Variants in MEGF11 observed in about 807,000 individuals in gnomAD.
MEGF11 encodes multiple EGF like domains 11.
MEGF11 carries 126 observed loss-of-function variants against 146.6 expected under a neutral mutation model. That is an observed-to-expected ratio of 0.86 (90% CI 0.74 to 1.00). The LOEUF (loss-of-function observed/expected upper bound fraction) is 1.00, where lower values mean the gene tolerates loss of function less well. Among genes scored for constraint, MEGF11 ranks in the 50% least tolerant of loss-of-function variants. MEGF11 has a pLI of 0.00. For synonymous variants in MEGF11, 532 were observed against 583.4 expected (o/e 0.91, Z 1.27); for missense variants, 1,509 against 1,521.2 (o/e 0.99, Z 0.13).
Position 66,123,653 on chromosome 15 carries a change from C to A in MEGF11, c.200+246G>T, listed in dbSNP as rs994218895. 2.0e-5 allele frequency among the ~76,000 whole-genome samples: 3 copies of A among 152,098 alleles called. No individual in the cohort carries two copies. The East Asian group carries it at 5.8e-4, about 29-fold the overall frequency. ...TGAGGAAGTTGGGGTAGTTATCCAC[C>A]ACCTCCCCATCTCCCCATCCCTGGT... On this transcript the variant is annotated intron_variant, in intron 3 of 25. Coordinates refer to ENST00000395614, the MANE Select transcript of MEGF11 (RefSeq NM_001385028.1).
chr15:65,917,853 G>A, intron 16 of MEGF11, 113 bp downstream of exon 16: 2 of 1,265,018 alleles, frequency 1.6e-6, no homozygotes, highest in Non-Finnish European at 2.2e-6. Context: ...ACATGCAGAA[G>A]GAGATTTCAT....
At chr15:66,219,214 C>G (rs1240987431) in intron 1 of MEGF11, among the ~76,000 whole-genome samples, 5 of 152,050 alleles carry the variant, frequency 3.3e-5, no homozygotes, top group Admixed American at 3.3e-4. Flanking sequence ...ATCAATAAAT[C>G]AGAGCTCATG....
chr15:66,114,415 G>A (rs530281223), intron 4 of MEGF11, among the ~76,000 whole-genome samples: 46 of 152,202 alleles, frequency 3.0e-4, no homozygotes, highest in Non-Finnish European at 6.0e-4. Context: ...ACTGTTTCAA[G>A]CCACTGGGAT....
At chr15:65,900,319 A>G (rs2078464019) in intron 24 of MEGF11, among the ~76,000 whole-genome samples, 2 of 152,210 alleles carry the variant, frequency 1.3e-5, no homozygotes, top group Non-Finnish European at 1.5e-5. Flanking sequence ...TGAAAATGGT[A>G]AAAAGTGAAA....
chr15:66,145,661 A>T (rs1009476403), intron 1 of MEGF11, among the ~76,000 whole-genome samples: 7 of 152,144 alleles, frequency 4.6e-5, no homozygotes, highest in East Asian at 1.9e-4. Context: ...AATAACGGAG[A>T]TGGGGATGAG....
intron 1 of MEGF11, among the ~76,000 whole-genome samples, chr15:66,239,266 T>G (rs2092159262): frequency 1.3e-5 from 2 of 152,224 alleles, no homozygotes; most frequent in South Asian, 4.1e-4. Flanking sequence ...TTCCCTGAAC[T>G]GAGTTAGGAA....
At position 65,930,834 on chromosome 15, in the gene MEGF11, G is replaced by T. The variant is rs1244462451; in HGVS notation, c.1397C>A (p.Thr466Asn). The part of the protein sequence containing the change: ...GTCSPVDGSC[T>N]CKEGWQGLDC... ...AGAGGGCACATTACCTTCCTTGCAGGTACAGGAGCCATCTACTGGGGAGCA... is the reference window on the plus strand; with the variant it reads ...AGAGGGCACATTACCTTCCTTGCAGTTACAGGAGCCATCTACTGGGGAGCA... The change falls in exon 11 of 26, where the codon ACC becomes AAC. Residue 466 changes from threonine (T) to asparagine (N), a missense_variant. By Grantham distance (65) the Thr-to-Asn change is moderately conservative (BLOSUM62 0). Coordinates refer to ENST00000395614, the MANE Select transcript of MEGF11 (RefSeq NM_001385028.1). The T allele has an allele frequency of 1.2e-6, 2 of 1,609,914 alleles. No homozygotes were observed. Among genetic ancestry groups the T allele is most frequent in the Non-Finnish European group, 1.7e-6 (2 of 1,177,850 alleles).
At chr15:65,970,529 G>A (rs1353302902) in intron 8 of MEGF11, 24 bp downstream of exon 8, 3 of 1,607,454 alleles carry the variant, frequency 1.9e-6, no homozygotes, top group African/African-American at 1.3e-5. Context: ...GGACAGCAAA[G>A]ATAACAGTTA....
At chr15:66,143,601 T>C (rs12594528) in intron 1 of MEGF11, among the ~76,000 whole-genome samples, 56,791 of 152,084 alleles carry the variant, frequency 0.37, 11,393 homozygotes, top group East Asian at 0.79. Flanking sequence ...AGGCAACTAA[T>C]GACAGAGGCA....
chr15:66,022,688 G>A (rs183535512), intron 5 of MEGF11, among the ~76,000 whole-genome samples: 78 of 152,142 alleles, frequency 5.1e-4, no homozygotes, highest in African/African-American at 1.8e-3. Flanking sequence ...AATTAGCTGA[G>A]GCGTGGTGGC....
intron 7 of MEGF11, among the ~76,000 whole-genome samples, chr15:65,979,773 C>T (rs1269051166): frequency 2.0e-5 from 3 of 152,212 alleles, no homozygotes; most frequent in Non-Finnish European, 4.4e-5. Context: ...CACAGCCTCA[C>T]ATGAGCCAGC....
chr15:66,139,542 C>T (rs1231162861), intron 1 of MEGF11, among the ~76,000 whole-genome samples: 1 of 151,586 alleles, frequency 6.6e-6, no homozygotes, highest in Non-Finnish European at 1.5e-5. Context: ...AAAAGAAATG[C>T]CCTGGCATTT....
intron 1 of MEGF11, among the ~76,000 whole-genome samples, chr15:66,224,640 T>TTATATATTA (rs72390505): frequency 7.4e-6 from 1 of 134,324 alleles, no homozygotes; most frequent in Non-Finnish European, 1.7e-5. Flanking sequence ...TTATTACTTA[T>TTATATATTA]TATATTATAT....
chr15:65,960,614 G>A (rs1353886956), intron 9 of MEGF11, among the ~76,000 whole-genome samples: 1 of 152,260 alleles, frequency 6.6e-6, no homozygotes, highest in Non-Finnish European at 1.5e-5. Flanking sequence ...TGACCTGGCA[G>A]GTCTTGGCTG....
chr15:66,208,150 C>T (rs1003285221), intron 1 of MEGF11, among the ~76,000 whole-genome samples: 1 of 150,896 alleles, frequency 6.6e-6, no homozygotes, highest in East Asian at 1.9e-4. Context: ...TTTTTGTATA[C>T]TATTGAAGTT....
At chr15:66,088,810 A>T (rs1459623601) in intron 5 of MEGF11, among the ~76,000 whole-genome samples, 1 of 152,202 alleles carries the variant, frequency 6.6e-6, no homozygotes, top group Non-Finnish European at 1.5e-5. Flanking sequence ...GACAGAAAGC[A>T]GATTGTTGGT....
At chr15:66,020,231 C>T (rs1040502215) in intron 5 of MEGF11, among the ~76,000 whole-genome samples, 1 of 152,228 alleles carries the variant, frequency 6.6e-6, no homozygotes, top group Non-Finnish European at 1.5e-5. Flanking sequence ...AATCCTGGGA[C>T]TCCAACAGGA....
chr15:66,199,343 C>T (rs113668699), intron 1 of MEGF11, among the ~76,000 whole-genome samples: 1,893 of 152,268 alleles, frequency 0.012, 33 homozygotes, highest in African/African-American at 0.043. Flanking sequence ...CCCCACCCTC[C>T]TCTCCTCCCA....
chr15:66,007,353 C>T (rs549297653), intron 5 of MEGF11, among the ~76,000 whole-genome samples: 1 of 152,180 alleles, frequency 6.6e-6, no homozygotes, highest in South Asian at 2.1e-4. Context: ...TGAAATGGCT[C>T]CCCCTCAATT....
Sources: gnomAD v4.1 joint callset for allele counts (sites outside exome capture counted in the v4.1 genomes callset) on GRCh38, gnomAD v4.1.1 for gene constraint, MANE v1.5 for transcripts, NCBI Gene and HGNC (gene_info 2026-07-23, HGNC 2026-07-21) for gene names.